PI4KA: variants seen among roughly 807,000 people sequenced by gnomAD.
The protein encoded by PI4KA is phosphatidylinositol 4-kinase alpha.
In PI4KA, 122 loss-of-function variants were observed where a neutral mutation model predicts 271.4. The observed-to-expected ratio is 0.45, with a 90% CI of 0.39 to 0.52. The LOEUF (loss-of-function observed/expected upper bound fraction) is 0.52, where lower values mean the gene tolerates loss of function less well. Among genes scored for constraint, PI4KA ranks in the 20% least tolerant of loss-of-function variants. The pLI is 0.00. For synonymous variants in PI4KA, 1,041 were observed against 1,078.8 expected, an observed-to-expected ratio of 0.96 and a Z score of 0.69; for missense variants, 1,969 against 2,769.1, an observed-to-expected ratio of 0.71 and a Z score of 6.48.
chr22:20,813,249 T>C, intron 8 of PI4KA, 109 bp downstream of exon 8: 1 of 782,436 alleles, frequency 1.3e-6, no homozygotes, highest in East Asian at 2.5e-5. Flanking sequence ...TATTAAATTG[T>C]ACTTTGAAAT....
At chr22:20,852,853 C>T (rs1161160024) in intron 1 of PI4KA, among the ~76,000 whole-genome samples, 3 of 152,276 alleles carry the variant, frequency 2.0e-5, no homozygotes, top group East Asian at 3.9e-4. Context: ...ACATATTCTC[C>T]CAACTACAGA....
chr22:20,805,419 T>G (rs1935594414), intron 10 of PI4KA, among the ~76,000 whole-genome samples: 1 of 152,174 alleles, frequency 6.6e-6, no homozygotes, highest in African/African-American at 2.4e-5. Context: ...ATGCTTTGTT[T>G]TAAGCAGTCA....
chr22:20,827,094 C>A (rs1482866019), intron 3 of PI4KA, among the ~76,000 whole-genome samples: 1 of 152,096 alleles, frequency 6.6e-6, no homozygotes, highest in South Asian at 2.1e-4. Context: ...CTTTTGGCAT[C>A]TTTGTCATTA....
At chr22:20,853,093 C>T (rs768243518) in intron 1 of PI4KA, among the ~76,000 whole-genome samples, 1 of 152,122 alleles carries the variant, frequency 6.6e-6, no homozygotes, top group Non-Finnish European at 1.5e-5. Flanking sequence ...AAAACCAGAT[C>T]AATAGTTAGC....
chr22:20,840,069 C>G (rs763660794), intron 1 of PI4KA, among the ~76,000 whole-genome samples: 3 of 152,174 alleles, frequency 2.0e-5, no homozygotes, highest in Non-Finnish European at 4.4e-5. Context: ...TATCAATACC[C>G]TGCACTAAAA....
At chr22:20,808,684 A>ATT (rs977259312) in intron 9 of PI4KA, among the ~76,000 whole-genome samples, 1 of 143,580 alleles carries the variant, frequency 7.0e-6, no homozygotes, top group Non-Finnish European at 1.5e-5. Context: ...CGTTTTTTTC[A>ATT]TTTTTTTTTT....
chr22:20,771,248 C>T (rs1254351254), intron 19 of PI4KA, among the ~76,000 whole-genome samples: 2 of 151,852 alleles, frequency 1.3e-5, no homozygotes, highest in Non-Finnish European at 2.9e-5. Context: ...CATGGTGAAA[C>T]CCGTCTCTAC....
Position 20,713,232 on chromosome 22 carries a change from G to A in PI4KA, c.5571+49C>T, listed in dbSNP as rs1925547339. 6.8e-6 allele frequency: 9 copies of A among 1,325,516 alleles called. No individual in the cohort carries two copies. The South Asian group carries it at 8.8e-5, about 13-fold the overall frequency. The allele number at this position is 1,325,516 out of a possible 1,614,324, so 82.1% of individuals were successfully genotyped here. On this transcript the variant is annotated intron_variant, in intron 48 of 54. Transcript: ENST00000255882. ...ACTCTGGCGGGCCTGGAGCCTTGGG[G>A]AGCAGCAAGCCCAGTCCCCAAGCCT...
chr22:20,850,441 T>A (rs564149959), intron 1 of PI4KA, among the ~76,000 whole-genome samples: 2 of 138,774 alleles, frequency 1.4e-5, no homozygotes, highest in African/African-American at 2.6e-5. Context: ...AATACTCATT[T>A]AAAAAAAAAT....
intron 19 of PI4KA, chr22:20,784,030 TGA>T (rs1569028918): frequency 1.9e-6 from 3 of 1,614,012 alleles, no homozygotes; most frequent in Admixed American, 3.3e-5. Context: ...TCCGGCTGAA[TGA>T]GAGAGAGGTA....
At chr22:20,799,801 A>C in intron 14 of PI4KA, 35 bp from the exon 15 acceptor site, 1 of 1,334,196 alleles carries the variant, frequency 7.5e-7, no homozygotes, top group Non-Finnish European at 1.0e-6. Context: ...GCACTGAGGC[A>C]TCAAACCAAG....
At chr22:20,788,016 A>C (rs1934381303) in intron 19 of PI4KA, among the ~76,000 whole-genome samples, 2 of 152,182 alleles carry the variant, frequency 1.3e-5, no homozygotes, top group South Asian at 4.1e-4. Flanking sequence ...GTCTGGTTTG[A>C]CAGAGCAGAT....
chr22:20,830,834 C>A (rs189821116), intron 3 of PI4KA, among the ~76,000 whole-genome samples: 1 of 152,010 alleles, frequency 6.6e-6, no homozygotes, highest in Non-Finnish European at 1.5e-5. Context: ...TGCAGTGATG[C>A]GACTGTGGCT....
chr22:20,802,596 C>T lies in PI4KA; in HGVS notation c.1592-491G>A, dbSNP rs371839046. 1.2e-4 allele frequency among the ~76,000 whole-genome samples: 18 copies of T among 152,288 alleles called. No homozygotes were observed. In the South Asian group the frequency reaches 3.5e-3, roughly 30 times the overall value. On this transcript the variant is annotated intron_variant, in intron 13 of 54. Transcript: ENST00000255882. ...TGTCACCCAGGCCGGAATGCAGTGG[C>T]GCTATCACAGCTCACTGCATCCTCA...
intron 9 of PI4KA, among the ~76,000 whole-genome samples, chr22:20,809,610 T>G (rs1478109967): frequency 6.6e-6 from 1 of 152,092 alleles, no homozygotes; most frequent in Non-Finnish European, 1.5e-5. Context: ...CTCGCCCTGG[T>G]CCTCCTGGTC....
chr22:20,772,443 C>T (rs1297491320), intron 19 of PI4KA, among the ~76,000 whole-genome samples: 1 of 152,218 alleles, frequency 6.6e-6, no homozygotes, highest in Non-Finnish European at 1.5e-5. Flanking sequence ...TGTGGTGCCA[C>T]GCTGAAGACT....
intron 3 of PI4KA, among the ~76,000 whole-genome samples, chr22:20,831,493 G>A (rs1289367270): frequency 2.0e-5 from 3 of 152,108 alleles, no homozygotes; most frequent in Non-Finnish European, 2.9e-5. Context: ...GCTTGAACCT[G>A]GGAGGCGGAG....
At position 20,796,275 on chromosome 22, in the gene PI4KA, G is replaced by A. The variant is rs754316397; in HGVS notation, c.2148C>T (p.Ile716=). 11 of 1,613,920 alleles carry A rather than the reference G, an allele frequency of 6.8e-6. No individual in the cohort carries two copies. Among genetic ancestry groups the A allele is most frequent in the Admixed American group, 5.0e-5 (3 of 59,990 alleles). The part of the protein sequence containing the change: ...SLAVINALAN[I]AANIQDEHLV... ...GGTGCTCGTCTTGGATGTTGGCCGC[G>A]ATGTTGGCCAGGGCATTAATCACTG... The change falls in exon 18 of 55, where the codon ATC becomes ATT. Residue 716 remains isoleucine (I), a synonymous_variant. Transcript: ENST00000255882.
At chr22:20,735,803 A>G (rs1348222483) in intron 32 of PI4KA, among the ~76,000 whole-genome samples, 1 of 152,222 alleles carries the variant, frequency 6.6e-6, no homozygotes, top group Non-Finnish European at 1.5e-5. Context: ...GGGACGAGGC[A>G]CTAGAGCCTG....
Sources: allele counts gnomAD v4.1 joint callset (sites outside exome capture counted in the v4.1 genomes callset), GRCh38; gene constraint gnomAD v4.1.1; transcripts MANE v1.5; gene names NCBI Gene and HGNC (gene_info 2026-07-23, HGNC 2026-07-21).